Variants in GABRD observed in about 807,000 individuals in gnomAD.
GABRD encodes gamma-aminobutyric acid receptor subunit delta.
A neutral mutation model predicts 47.3 loss-of-function variants in GABRD; 25 were observed. The ratio of observed to expected loss-of-function variants is 0.53; its 90% CI spans 0.39 to 0.74. The LOEUF (loss-of-function observed/expected upper bound fraction) is 0.74, where lower values mean the gene tolerates loss of function less well. GABRD is among the 30% of genes least tolerant of loss of function. The pLI, the probability that GABRD is intolerant of heterozygous loss-of-function variation, is 0.00. For synonymous variants in GABRD, 314 were observed against 278.8 expected, an observed-to-expected ratio of 1.13 and a Z score of -1.26; for missense variants, 497 against 643.4, an observed-to-expected ratio of 0.77 and a Z score of 2.46.
chr1:2,020,840 G>A (rs765878011), intron 1 of GABRD, among the ~76,000 whole-genome samples: 2 of 152,180 alleles, frequency 1.3e-5, no homozygotes, highest in South Asian at 2.1e-4. Flanking sequence ...GTCCCGTCCC[G>A]CATGGACGTG....
intron 1 of GABRD, among the ~76,000 whole-genome samples, chr1:2,019,706 C>T (rs1658723099): frequency 6.6e-6 from 1 of 152,040 alleles, no homozygotes; most frequent in African/African-American, 2.4e-5. Flanking sequence ...GCGACCCCCG[C>T]GCTGGCCGCC....
chr1:2,027,384 G>A lies in GABRD; in HGVS notation c.471-193G>A, dbSNP rs567375126. 6.4e-4 allele frequency: 405 copies of A among 632,890 alleles called. 7 individuals carry two copies. In the South Asian group the frequency reaches 6.4e-3, roughly 10 times the overall value. 39.2% of individuals were successfully genotyped at this position (632,890 alleles called of 1,614,324 possible). ...GAATGAATGAAATCCAGTTCTTGAC[G>A]GTCCTAAAGGAATACTTGACGTCTA... On this transcript the variant is annotated intron_variant, in intron 4 of 8. Transcript: ENST00000378585.
intron 6 of GABRD, 77 bp from the exon 7 acceptor site, chr1:2,029,034 A>G: frequency 6.6e-7 from 1 of 1,515,064 alleles, no homozygotes; most frequent in South Asian, 1.2e-5. Flanking sequence ...GTAGCTGCCA[A>G]GCCCTGCAGC....
Position 2,024,955 on chromosome 1 carries a change from A to C in GABRD, c.82A>C (p.Ile28Leu). ...QLRGTRAMND[I>L]GDYVGSNLEI... ...TTGCATCCCCAGAGCGATGAATGAC[A>C]TCGGCGACTACGTGGGCTCCAACCT... Residue 28 changes from isoleucine to leucine, a missense_variant, in exon 2 of 9, where the codon ATC becomes CTC. Transcript: ENST00000378585. The C allele has an allele frequency of 6.2e-7, 1 of 1,612,472 alleles. No homozygotes were observed. The highest frequency in any genetic ancestry group is 8.5e-7 in the Non-Finnish European group (1 of 1,179,400).
intron 8 of GABRD, 108 bp from the exon 9 acceptor site, chr1:2,029,875 G>A: frequency 6.6e-7 from 1 of 1,505,616 alleles, no homozygotes; most frequent in Non-Finnish European, 9.2e-7. Flanking sequence ...GTGGGGGGCT[G>A]GAGCTGCTGG....
In GABRD at chr1:2,019,468, C is replaced by A; in HGVS notation, c.45C>A (p.Cys15Ter). The change falls in exon 1 of 9, where the codon TGC becomes TGA. Residue 15 changes from cysteine (C) to a stop codon, truncating the protein, a stop_gained. Coordinates refer to ENST00000378585, the MANE Select transcript of GABRD (RefSeq NM_000815.5). LOFTEE classifies it high-confidence loss of function. ...TGCTGGCCCCGCTCCTGCTCCTCTG[C>A]GCGCAGCAGCTCCGCGGCACCAGGT... is the stretch of plus-strand genomic sequence containing the variant. ...ARLLAPLLLL[C>*]AQQLRGTRAM... The A allele has an allele frequency of 9.0e-7, 1 of 1,113,682 alleles. No homozygotes were observed. The allele number at this position is 1,113,682 out of a possible 1,614,324, so 69.0% of individuals were successfully genotyped here. A position where few individuals can be genotyped will look rare whatever the true frequency, so the allele number is the denominator to read the frequency against.
intron 5 of GABRD, 156 bp downstream of exon 5, chr1:2,027,815 G>A: frequency 8.1e-6 from 6 of 737,562 alleles, no homozygotes. Context: ...AGGAGAAGGG[G>A]CCAGAAAGCC....
chr1:2,024,871 A>AG, intron 1 of GABRD, 71 bp from the exon 2 acceptor site: 1 of 1,171,122 alleles, frequency 8.5e-7, no homozygotes, highest in Admixed American at 1.8e-5. Context: ...CTGCATCCCC[A>AG]GGAAGGGACC....
At chr1:2,019,939 C>T (rs1658730641) in intron 1 of GABRD, among the ~76,000 whole-genome samples, 3 of 152,228 alleles carry the variant, frequency 2.0e-5, no homozygotes, top group African/African-American at 2.4e-5. Flanking sequence ...CCCCAGTGAG[C>T]TTCCCCAGCC....
chr1:2,029,922 C>A, intron 8 of GABRD, 61 bp from the exon 9 acceptor site: 1 of 1,593,386 alleles, frequency 6.3e-7, no homozygotes, highest in Non-Finnish European at 8.6e-7. Flanking sequence ...ACCTGTGGTC[C>A]AGGGCCCTGG....
At chr1:2,021,687 C>T (rs1658782375) in intron 1 of GABRD, among the ~76,000 whole-genome samples, 1 of 152,192 alleles carries the variant, frequency 6.6e-6, no homozygotes, top group African/African-American at 2.4e-5. Context: ...CCGGCACCTC[C>T]GTCTCCCTGG....
At chr1:2,023,418 C>G (rs1018678571) in intron 1 of GABRD, 1 of 152,446 alleles carries the variant, frequency 6.6e-6, no homozygotes, top group African/African-American at 2.4e-5. Context: ...GTCGCAGTCT[C>G]TGAGGGAGCA....
At chr1:2,023,550 C>G (rs1407140571) in intron 1 of GABRD, 1 of 152,140 alleles carries the variant, frequency 6.6e-6, no homozygotes, top group African/African-American at 2.4e-5. Context: ...TGGAGTAGCC[C>G]AGCATAGGGC....
In GABRD at chr1:2,025,685, G is replaced by A. The variant is rs978679181; in HGVS notation, c.417G>A (p.Val139=). The A allele has an allele frequency of 4.3e-6, 7 of 1,612,880 alleles. No individual in the cohort carries two copies. The highest frequency in any genetic ancestry group is 5.9e-6 in the Non-Finnish European group (7 of 1,180,010). The change falls in exon 4 of 9, where the codon GTG becomes GTA. Residue 139 remains valine, a synonymous_variant. Transcript: ENST00000378585. ...AKSAWFHDVT[V]ENKLIRLQPD... ...CGGCCTGGTTCCACGACGTGACGGT[G>A]GAGAACAAGCTCATCCGGCTGCAGC...
chr1:2,025,761 C>T (rs1658906171), intron 4 of GABRD, 23 bp downstream of exon 4: 1 of 1,600,284 alleles, frequency 6.2e-7, no homozygotes, highest in Non-Finnish European at 8.5e-7. Flanking sequence ...CCCACCCGGA[C>T]TCCGGGGGAG....
In GABRD at chr1:2,028,584, C is replaced by T. The variant is rs887810031; in HGVS notation, c.691+292C>T. Among the ~76,000 whole-genome samples, 4 of 152,164 alleles carry T rather than the reference C, an allele frequency of 2.6e-5. No individual in the cohort carries two copies. Among genetic ancestry groups the T allele is most frequent in the African/African-American group, 9.7e-5 (4 of 41,438 alleles). On this transcript the variant is annotated intron_variant, in intron 6 of 8. Coordinates refer to ENST00000378585, the MANE Select transcript of GABRD (RefSeq NM_000815.5). This position sits in a 1 kb window ranked among gnomAD's most constrained non-coding sequence, Gnocchi z 6.4. ...CTCACTCCTTGGTCCTTTCTCTCTT[C>T]CCAGCACTCCAGATTTATGGGAAAC... is the stretch of plus-strand genomic sequence containing the variant.
chr1:2,020,570 C>T (rs1264877106), intron 1 of GABRD, among the ~76,000 whole-genome samples: 1 of 152,220 alleles, frequency 6.6e-6, no homozygotes, highest in Non-Finnish European at 1.5e-5. Flanking sequence ...GGCACTGCCC[C>T]TGGCTCTAAG....
Position 2,019,345 on chromosome 1 carries a change from A to G in GABRD, c.-79A>G. ...CCTCGCGCCCGCGCCGCGCTCGCTC[A>G]GCTCCCGCCCGCCTGTGCCGCCTGT... On this transcript the variant is annotated 5_prime_UTR_variant, in exon 1 of 9. Transcript: ENST00000378585. 1.3e-6 allele frequency: 1 copy of G among 754,772 alleles called. No homozygotes were observed. Among genetic ancestry groups the G allele is most frequent in the Non-Finnish European group, 1.6e-6 (1 of 629,758 alleles). The allele number at this position is 754,772 out of a possible 1,614,324, so 46.8% of individuals were successfully genotyped here.
chr1:2,019,642 C>G, intron 1 of GABRD, 151 bp downstream of exon 1: 1 of 349,312 alleles, frequency 2.9e-6, no homozygotes, highest in Non-Finnish European at 4.3e-6. Context: ...GGGGTCTTGC[C>G]CCGCGGGCCC....
Sources: gnomAD v4.1 joint callset for allele counts (sites outside exome capture counted in the v4.1 genomes callset) on GRCh38, gnomAD v4.1.1 for gene constraint, Gnocchi (gnomAD v3.1) non-coding constraint, MANE v1.5 for transcripts, NCBI Gene and HGNC (gene_info 2026-07-23, HGNC 2026-07-21) for gene names.